Variants in TBC1D24 observed in about 807,000 individuals in gnomAD.
The protein encoded by TBC1D24 is Infantile myoclonic epilepsy.
Under a neutral mutation model 50.7 loss-of-function variants are expected in TBC1D24, and 47 were observed. That is an observed-to-expected ratio of 0.93 (90% confidence interval 0.73 to 1.18). The LOEUF (loss-of-function observed/expected upper bound fraction) is 1.18, where lower values mean the gene tolerates loss of function less well. TBC1D24 is among the 50% of genes most tolerant of loss of function. The pLI is 0.00. For missense variants in TBC1D24, 688 were observed against 766.5 expected, an observed-to-expected ratio of 0.90 and a Z score of 1.21; for synonymous variants, 324 against 335.2, an observed-to-expected ratio of 0.97 and a Z score of 0.36.
In TBC1D24 at chr16:2,501,228, C is replaced by T; in HGVS notation, c.*270C>T. 4 of 542,292 alleles carry T rather than the reference C, an allele frequency of 7.4e-6. No individual in the cohort carries two copies. In the South Asian group the frequency reaches 8.4e-5, roughly 11 times the overall value. 33.6% of individuals were successfully genotyped at this position (542,292 alleles called of 1,614,324 possible). A position where few individuals can be genotyped will look rare whatever the true frequency, so the allele number is the denominator to read the frequency against. Reference sequence around the variant, plus strand: ...CCAGAGCTGGCATAGGAAGTACCTTCCTCCTCCGTGGAGGCTTCCATAGCC... The same window carrying T: ...CCAGAGCTGGCATAGGAAGTACCTTTCTCCTCCGTGGAGGCTTCCATAGCC... On this transcript the variant is annotated 3_prime_UTR_variant, in exon 8 of 8. Transcript: ENST00000646147.
At chr16:2,498,167 G>A in intron 3 of TBC1D24, 71 bp from the exon 4 acceptor site, 2 of 1,534,556 alleles carry the variant, frequency 1.3e-6, no homozygotes, top group Admixed American at 3.9e-5. Context: ...GAGGCTCTGG[G>A]GCATACCTCG....
At chr16:2,498,997 G>A (rs1345464727) in intron 4 of TBC1D24, among the ~76,000 whole-genome samples, 1 of 152,240 alleles carries the variant, frequency 6.6e-6, no homozygotes, top group African/African-American at 2.4e-5. Context: ...CAGGCGCCAC[G>A]TTGGCAGACC....
At position 2,504,250 on chromosome 16, in the gene TBC1D24, T is replaced by C. The variant is rs2065816443; in HGVS notation, c.*3292T>C. ...GAGTAGTTTATATTTAGTAATTTAG[T>C]TGTGTACCTTTTTATTTTGAAGTAA... On this transcript the variant is annotated 3_prime_UTR_variant, in exon 8 of 8. Transcript: ENST00000646147. 6.6e-6 allele frequency: 1 copy of C among 152,122 alleles called. No homozygotes were observed. The highest frequency in any genetic ancestry group is 2.1e-4 in the South Asian group (1 of 4,824). The allele number at this position is 152,122 out of a possible 1,614,324, so 9.4% of individuals were successfully genotyped here. A position where few individuals can be genotyped will look rare whatever the true frequency, so the allele number is the denominator to read the frequency against.
intron 1 of TBC1D24, among the ~76,000 whole-genome samples, chr16:2,491,279 T>C (rs1235611302): frequency 6.6e-6 from 1 of 152,230 alleles, no homozygotes; most frequent in Non-Finnish European, 1.5e-5. Context: ...CTTTTTGTGA[T>C]TTTTGCATTC....
chr16:2,496,505 G>C lies in TBC1D24; in HGVS notation c.357G>C (p.Leu119=). The change falls in exon 2 of 8, where the codon CTG becomes CTC. Residue 119 remains leucine, a synonymous_variant. Coordinates refer to ENST00000646147, the MANE Select transcript of TBC1D24 (RefSeq NM_001199107.2). ...AGGGGGCCGTGCGCAAGATCCTCCT[G>C]TGCCTGGCCAACCAGTTCCCCGACA... ...RGEGAVRKIL[L]CLANQFPDIS... 1 of 1,609,510 alleles carries C rather than the reference G, an allele frequency of 6.2e-7. No individual in the cohort carries two copies. The highest frequency in any genetic ancestry group is 8.5e-7 in the Non-Finnish European group (1 of 1,179,948).
In TBC1D24 at chr16:2,500,779, C is replaced by G; in HGVS notation, c.1526-25C>G. ...GTCAGTGCTGATAGGGCAGTCAGGC[C>G]GCCACTGACCTGAGCATCCTGCAGG... On this transcript the variant is annotated intron_variant, in intron 7 of 7. Transcript: ENST00000646147. The surrounding 1 kb of genome is among the most constrained non-coding windows in gnomAD (Gnocchi z 8.0). The G allele has an allele frequency of 6.3e-7, 1 of 1,592,792 alleles. No homozygotes were observed. Among genetic ancestry groups the G allele is most frequent in the Non-Finnish European group, 8.5e-7 (1 of 1,175,710 alleles).
chr16:2,477,854 A>T (rs962093882), intron 1 of TBC1D24: 3 of 152,256 alleles, frequency 2.0e-5, no homozygotes, highest in African/African-American at 7.2e-5. Context: ...AAGTGAGGGA[A>T]AGTGCCTTCC....
chr16:2,494,209 C>T (rs1338270075), intron 1 of TBC1D24, among the ~76,000 whole-genome samples: 5 of 152,074 alleles, frequency 3.3e-5, no homozygotes, highest in South Asian at 2.1e-4. Flanking sequence ...ATCAGGAGTT[C>T]GAGACCAGCC....
rs2065768064 is a variant in TBC1D24 at position 2,499,038 on chromosome 16, T to C, written c.1143-319T>C. Among the ~76,000 whole-genome samples, 1 of 152,236 alleles carries C rather than the reference T, an allele frequency of 6.6e-6. No individual in the cohort carries two copies. The highest frequency in any genetic ancestry group is 6.5e-5 in the Admixed American group (1 of 15,286). On this transcript the variant is annotated intron_variant, in intron 4 of 7. Coordinates refer to ENST00000646147, the MANE Select transcript of TBC1D24 (RefSeq NM_001199107.2). The surrounding 1 kb of genome is among the most constrained non-coding windows in gnomAD (Gnocchi z 4.0). ...CTCTTTGGCTCCCACATGCCTGGGC[T>C]GCGAGGATGGCCCAAACCTCCCCAC...
Position 2,496,873 on chromosome 16 carries a change from G to A in TBC1D24, c.725G>A (p.Arg242His), listed in dbSNP as rs199744635. ...GTGGAGGGCTACAAGGTGCTGTACC[G>A]CGTGGCGCTGGCCATCCTCAAGTTC... The part of the protein sequence containing the change: ...FLVEGYKVLY[R>H]VALAILKFFH... The change falls in exon 2 of 8, where the codon CGC (arginine) becomes CAC (histidine). Residue 242 changes from arginine to histidine, a missense_variant. Transcript: ENST00000646147. 9.9e-6 allele frequency: 16 copies of A among 1,614,124 alleles called. No individual in the cohort carries two copies. Among genetic ancestry groups the A allele is most frequent in the South Asian group, 2.2e-5 (2 of 91,088 alleles).
chr16:2,478,926 C>A (rs991505639), intron 1 of TBC1D24: 1 of 151,052 alleles, frequency 6.6e-6, no homozygotes, highest in Non-Finnish European at 1.5e-5. Flanking sequence ...TTCCCACTGC[C>A]GAGGCTAGAG....
Position 2,487,957 on chromosome 16 carries a change from C to T in TBC1D24, c.-115-8077C>T, listed in dbSNP as rs1246433892. Among the ~76,000 whole-genome samples, 1 of 152,222 alleles carries T rather than the reference C, an allele frequency of 6.6e-6. No individual in the cohort carries two copies. The highest frequency in any genetic ancestry group is 6.5e-5 in the Admixed American group (1 of 15,286). ...CCAGCAGCTGTGGGGTTGTGTTCCG[C>T]CCCGAGGCTGGGGTGAGCTGCTTGT... On this transcript the variant is annotated intron_variant, in intron 1 of 7. Coordinates refer to ENST00000646147, the MANE Select transcript of TBC1D24 (RefSeq NM_001199107.2). The surrounding 1 kb of genome is among the most constrained non-coding windows in gnomAD (Gnocchi z 4.1).
Position 2,500,537 on chromosome 16 carries a change from G to A in TBC1D24, c.1525+47G>A, listed in dbSNP as rs1016857897. 1 of 1,519,296 alleles carries A rather than the reference G, an allele frequency of 6.6e-7. No homozygotes were observed. The highest frequency in any genetic ancestry group is 2.5e-5 in the East Asian group (1 of 40,700). The allele number at this position is 1,519,296 out of a possible 1,614,324, so 94.1% of individuals were successfully genotyped here. A position where few individuals can be genotyped will look rare whatever the true frequency, so the allele number is the denominator to read the frequency against. ...TCTGGGATGAGGGTGTGGGGTCCGGGCAGCTGAAGCTGCTGCACCCAGCCC... is the reference window on the plus strand; with the variant it reads ...TCTGGGATGAGGGTGTGGGGTCCGGACAGCTGAAGCTGCTGCACCCAGCCC... On this transcript the variant is annotated intron_variant, in intron 7 of 7. Coordinates refer to ENST00000646147, the MANE Select transcript of TBC1D24 (RefSeq NM_001199107.2). This position sits in a 1 kb window ranked among gnomAD's most constrained non-coding sequence, Gnocchi z 8.0.
rs1475264921 is a variant in TBC1D24, at chr16:2,498,303, T to C, written c.1049T>C (p.Met350Thr). The C allele has an allele frequency of 3.1e-6, 5 of 1,610,430 alleles. No individual in the cohort carries two copies. In the African/African-American group the frequency reaches 5.3e-5, roughly 17 times the overall value. The change falls in exon 4 of 8, where the codon ATG (methionine) becomes ACG (threonine). Residue 350 changes from methionine (M) to threonine (T), a missense_variant. Coordinates refer to ENST00000646147, the MANE Select transcript of TBC1D24 (RefSeq NM_001199107.2). ...FRSEIVSVRE[M>T]RDIWSWVPER... The stretch of plus-strand genomic sequence containing the variant: ...TCGGAGATCGTCAGCGTGAGGGAGA[T>C]GAGAGACATCTGGTCCTGGGTCCCC...
chr16:2,486,294 G>A lies in TBC1D24; in HGVS notation c.-115-9740G>A. On this transcript the variant is annotated intron_variant, in intron 1 of 7. Transcript: ENST00000646147. The surrounding 1 kb of genome is among the most constrained non-coding windows in gnomAD (Gnocchi z 5.8). ...CGGGCGTTGGCGTTCCCCACCCATG[G>A]GGCCCGGCCTCATTTCCTCTTCCTC... Among the ~76,000 whole-genome samples, 1 of 152,194 alleles carries A rather than the reference G, an allele frequency of 6.6e-6. No individual in the cohort carries two copies. Among genetic ancestry groups the A allele is most frequent in the East Asian group, 1.9e-4 (1 of 5,186 alleles).
chr16:2,496,096 C>A lies in TBC1D24; in HGVS notation c.-53C>A. On this transcript the variant is annotated 5_prime_UTR_variant, in exon 2 of 8. Transcript: ENST00000646147. ...GAAAGGGGGCTGGAGGATTTAGCCA[C>A]TCTGTCCTCCCCTTCCGGCAGTCCA... 1 of 1,609,250 alleles carries A rather than the reference C, an allele frequency of 6.2e-7. No individual in the cohort carries two copies. Among genetic ancestry groups the A allele is most frequent in the Non-Finnish European group, 8.5e-7 (1 of 1,177,428 alleles).
At chr16:2,477,781 G>A (rs1308810740) in intron 1 of TBC1D24, 2 of 152,248 alleles carry the variant, frequency 1.3e-5, no homozygotes, top group Non-Finnish European at 2.9e-5. Context: ...GGATTGTGGT[G>A]GGGGTGGGGC....
intron 1 of TBC1D24, among the ~76,000 whole-genome samples, chr16:2,488,746 T>C (rs2065671153): frequency 6.9e-6 from 1 of 145,266 alleles, no homozygotes; most frequent in African/African-American, 2.5e-5. Flanking sequence ...CCACCGCACC[T>C]GGCTGCTTTT....
chr16:2,498,804 C>T (rs568452927), intron 4 of TBC1D24, among the ~76,000 whole-genome samples: 2 of 152,356 alleles, frequency 1.3e-5, no homozygotes, highest in Non-Finnish European at 2.9e-5. Flanking sequence ...GGGAGCCTCC[C>T]TCCAGCCTTG....
Sources: allele counts gnomAD v4.1 joint callset (sites outside exome capture counted in the v4.1 genomes callset), GRCh38; gene constraint gnomAD v4.1.1; non-coding constraint Gnocchi (gnomAD v3.1); transcripts MANE v1.5; gene names NCBI Gene and HGNC (gene_info 2026-07-23, HGNC 2026-07-21).